Variants in PATJ observed in about 807,000 individuals in gnomAD.
The protein encoded by PATJ is inaD-like protein.
A neutral mutation model predicts 224.9 loss-of-function variants in PATJ; 190 were observed. The ratio of observed to expected loss-of-function variants is 0.84; its 90% confidence interval spans 0.75 to 0.95. The LOEUF is 0.95. PATJ is among the 40% of genes least tolerant of loss of function. The pLI, the probability that PATJ is intolerant of heterozygous loss-of-function variation, is 0.00. For synonymous variants in PATJ, 769 were observed against 820.3 expected (o/e 0.94, Z 1.07); for missense variants, 2,121 against 2,270.3 (o/e 0.93, Z 1.34).
At chr1:62,121,069 T>C (rs1664985735) in intron 37 of PATJ, 112 bp from the exon 38 acceptor site, 2 of 674,678 alleles carry the variant, frequency 3.0e-6, no homozygotes, top group Non-Finnish European at 5.1e-6. Flanking sequence ...CCTCACGATT[T>C]TCTGTTAGAT....
chr1:62,043,298 A>G (rs1402492395), intron 30 of PATJ, among the ~76,000 whole-genome samples: 1 of 152,212 alleles, frequency 6.6e-6, no homozygotes, highest in Non-Finnish European at 1.5e-5. Flanking sequence ...TAATTATAAT[A>G]CCATTGGCAC....
intron 7 of PATJ, among the ~76,000 whole-genome samples, chr1:61,785,329 A>G (rs1648278479): frequency 6.6e-6 from 1 of 152,220 alleles, no homozygotes; most frequent in South Asian, 2.1e-4. Flanking sequence ...TAAATTTACT[A>G]TCTACTAGCA....
chr1:61,852,971 G>A (rs1663076746), intron 17 of PATJ, among the ~76,000 whole-genome samples: 1 of 152,142 alleles, frequency 6.6e-6, no homozygotes, highest in Non-Finnish European at 1.5e-5. Flanking sequence ...TACATAATGG[G>A]GCATCTTCAG....
chr1:62,039,122 C>T (rs1364818625), intron 30 of PATJ: 9 of 669,386 alleles, frequency 1.3e-5, no homozygotes, highest in Non-Finnish European at 2.6e-5. Context: ...TGGCTCGTAT[C>T]TGTTCTTCAG....
At chr1:61,976,931 ATATAAC>A (rs1488502643) in intron 27 of PATJ, among the ~76,000 whole-genome samples, 2 of 152,058 alleles carry the variant, frequency 1.3e-5, no homozygotes, top group Non-Finnish European at 2.9e-5. Context: ...TCTCTTAAAC[ATATAAC>A]TATAATACCA....
chr1:62,090,808 TA>T (rs1478769108), intron 33 of PATJ, among the ~76,000 whole-genome samples: 2 of 152,180 alleles, frequency 1.3e-5, no homozygotes, highest in African/African-American at 4.8e-5. Flanking sequence ...GTTTGCATCG[TA>T]TTCCTTAAAC....
chr1:62,025,486 G>A (rs1312662437), intron 29 of PATJ, among the ~76,000 whole-genome samples: 1 of 152,166 alleles, frequency 6.6e-6, no homozygotes, highest in Non-Finnish European at 1.5e-5. Context: ...GGAATAAGAG[G>A]GGAATAGCTG....
intron 17 of PATJ, among the ~76,000 whole-genome samples, chr1:61,854,088 A>T (rs1185439346): frequency 1.3e-5 from 2 of 152,218 alleles, no homozygotes; most frequent in African/African-American, 4.8e-5. Flanking sequence ...TGTTTGAAAC[A>T]CAGAGGCATA....
intron 1 of PATJ, among the ~76,000 whole-genome samples, chr1:61,752,138 CA>C (rs33975795): frequency 4.4e-4 from 52 of 117,920 alleles, no homozygotes; most frequent in Admixed American, 9.4e-4. Context: ...AACATCATCT[CA>C]AAAAAAAAAA....
chr1:61,891,304 A>G (rs1557830520), intron 22 of PATJ, among the ~76,000 whole-genome samples: 1 of 152,240 alleles, frequency 6.6e-6, no homozygotes, highest in Non-Finnish European at 1.5e-5. Context: ...AGCTCCCAAC[A>G]CAGTGCCTGG....
chr1:62,034,931 A>G (rs1325728563), intron 29 of PATJ, among the ~76,000 whole-genome samples: 1 of 152,178 alleles, frequency 6.6e-6, no homozygotes, highest in African/African-American at 2.4e-5. Context: ...AATGCCGGTA[A>G]CCTTTGAAAG....
intron 28 of PATJ, among the ~76,000 whole-genome samples, chr1:61,997,821 T>TTTTGTTTTG (rs1384336680): frequency 9.6e-5 from 8 of 83,492 alleles, no homozygotes; most frequent in African/African-American, 3.8e-4. Flanking sequence ...TTTTGTTTTG[T>TTTTGTTTTG]TTTAAAAAAA....
chr1:61,813,374 T>C (rs1250285820), intron 14 of PATJ, among the ~76,000 whole-genome samples: 59 of 71,914 alleles, frequency 8.2e-4, no homozygotes, highest in African/African-American at 4.5e-3. Flanking sequence ...TATATATATA[T>C]ATATACACAC....
At chr1:61,813,702 A>G (rs927144338) in intron 14 of PATJ, among the ~76,000 whole-genome samples, 2 of 152,108 alleles carry the variant, frequency 1.3e-5, no homozygotes, top group Admixed American at 1.3e-4. Context: ...ATATTAAGGC[A>G]GGGAACATAG....
intron 14 of PATJ, among the ~76,000 whole-genome samples, chr1:61,812,433 A>AGAGAGGGTGTGTGTGTGTGTGTGTGT: frequency 1.2e-5 from 1 of 85,150 alleles, no homozygotes; most frequent in Non-Finnish European, 2.4e-5. Flanking sequence ...AGAGAGAGAG[A>AGAGAGGGTGTGTGTGTGTGTGTGTGT]GTGTGTGTGT....
intron 17 of PATJ, among the ~76,000 whole-genome samples, chr1:61,838,424 A>G (rs1000167544): frequency 6.6e-6 from 1 of 150,506 alleles, no homozygotes; most frequent in African/African-American, 2.5e-5. Flanking sequence ...GCGCGATCTC[A>G]GCTCACTGCA....
At chr1:61,908,604 T>C (rs750503862) in intron 25 of PATJ, 122 bp downstream of exon 25, 3 of 632,792 alleles carry the variant, frequency 4.7e-6, no homozygotes, top group Non-Finnish European at 8.3e-6. Context: ...ATTTAAAGTA[T>C]GAGCTTCATA....
At chr1:62,066,474 C>T (rs1656453773) in intron 31 of PATJ, among the ~76,000 whole-genome samples, 1 of 151,702 alleles carries the variant, frequency 6.6e-6, no homozygotes, top group Non-Finnish European at 1.5e-5. Context: ...GCTTTGACCT[C>T]CTGGGCTCAA....
chr1:62,135,490 TG>T (rs779074049), intron 41 of PATJ, among the ~76,000 whole-genome samples: 103 of 132,928 alleles, frequency 7.7e-4, no homozygotes, highest in Non-Finnish European at 1.4e-3. Context: ...CACTCCATCC[TG>T]GGTGACAGAG....
Sources: gnomAD v4.1 joint callset for allele counts (sites outside exome capture counted in the v4.1 genomes callset) on GRCh38, gnomAD v4.1.1 for gene constraint, MANE v1.5 for transcripts, NCBI Gene and HGNC (gene_info 2026-07-23, HGNC 2026-07-21) for gene names.